The following FKBP4 variants were observed in gnomAD, a reference collection of about 807,000 sequenced individuals.
FKBP4 encodes the protein peptidyl-prolyl cis-trans isomerase FKBP4.
A neutral mutation model predicts 54.1 loss-of-function variants in FKBP4; 28 were observed. That is an observed-to-expected ratio of 0.52 (90% CI 0.38 to 0.71). FKBP4 has a LOEUF of 0.71. FKBP4 is among the 30% of genes least tolerant of loss of function. FKBP4 has a pLI of 0.00. For missense variants in FKBP4, 493 were observed against 574.4 expected, an observed-to-expected ratio of 0.86 and a Z score of 1.45; for synonymous variants, 223 against 216.1, an observed-to-expected ratio of 1.03 and a Z score of -0.28.
chr12:2,801,628 C>T (rs1193142863), intron 9 of FKBP4: 1 of 543,968 alleles, frequency 1.8e-6, no homozygotes, highest in Non-Finnish European at 3.5e-6. Flanking sequence ...GTGGCTCACA[C>T]CTGCAATCCC....
chr12:2,801,467 C>G, intron 9 of FKBP4, 111 bp downstream of exon 9: 1 of 1,503,808 alleles, frequency 6.6e-7, no homozygotes, highest in Non-Finnish European at 9.1e-7. Context: ...CCAGAAGTTG[C>G]CTTTTCCCTG....
In FKBP4 at chr12:2,795,045, G is replaced by A; in HGVS notation, c.-95G>A. ...TCCGCAGTCAGTGCCGCCGCGCCCG[G>A]CCTCCCGCACGCCCCGCAGGTAGCG... On this transcript the variant is annotated 5_prime_UTR_variant, in exon 1 of 10. Coordinates refer to ENST00000001008, the MANE Select transcript of FKBP4 (RefSeq NM_002014.4). This position sits in a 1 kb window ranked among gnomAD's most constrained non-coding sequence, Gnocchi z 4.3. 2.9e-6 allele frequency: 2 copies of A among 691,266 alleles called. No homozygotes were observed. The highest frequency in any genetic ancestry group is 4.0e-6 in the Non-Finnish European group (2 of 500,916). 42.8% of individuals were successfully genotyped at this position (691,266 alleles called of 1,614,324 possible).
Position 2,798,797 on chromosome 12 carries a change from C to T in FKBP4, c.485C>T (p.Ala162Val), listed in dbSNP as rs2097903248. 1 of 1,614,176 alleles carries T rather than the reference C, an allele frequency of 6.2e-7. No homozygotes were observed. Among genetic ancestry groups the T allele is most frequent in the African/African-American group, 1.3e-5 (1 of 75,040 alleles). The change falls in exon 4 of 10, where the codon GCT (alanine) becomes GTT (valine). Residue 162 changes from alanine to valine, a missense_variant. Ala to Val is a moderately conservative substitution (Grantham distance 64). Transcript: ENST00000001008. The surrounding 1 kb of genome is among the most constrained non-coding windows in gnomAD (Gnocchi z 4.3). The stretch of plus-strand genomic sequence containing the variant: ...ATACAGACTCGCGGTGAAGGCTATG[C>T]TAAGCCCAATGAGGGTGCTATCGTG... Reference protein sequence around the residue: ...RRIQTRGEGYAKPNEGAIVEV... With the variant: ...RRIQTRGEGYVKPNEGAIVEV...
At chr12:2,797,429 TACC>T in intron 2 of FKBP4, 147 bp downstream of exon 2, 2 of 898,992 alleles carry the variant, frequency 2.2e-6, no homozygotes, top group Non-Finnish European at 3.4e-6. Context: ...TTTTTTTTTC[TACC>T]GTTCTGTAAC....
chr12:2,797,788 C>G lies in FKBP4; in HGVS notation c.310C>G (p.His104Asp). The change falls in exon 3 of 10, where the codon CAC becomes GAC. Residue 104 changes from histidine to aspartate, a missense_variant. By Grantham distance (81) the His-to-Asp change is moderately conservative. Transcript: ENST00000001008. The part of the protein sequence containing the change: ...IATMKVGEVC[H>D]ITCKPEYAYG... Reference sequence around the variant, plus strand: ...CACCATGAAGGTGGGGGAGGTGTGCCACATCACCTGCAAACCAGAATATGC... The same window carrying G: ...CACCATGAAGGTGGGGGAGGTGTGCGACATCACCTGCAAACCAGAATATGC... The G allele has an allele frequency of 6.2e-7, 1 of 1,613,956 alleles. No homozygotes were observed. The highest frequency in any genetic ancestry group is 8.5e-7 in the Non-Finnish European group (1 of 1,179,922).
intron 9 of FKBP4, 54 bp from the exon 10 acceptor site, chr12:2,803,097 T>C: frequency 8.2e-7 from 1 of 1,215,308 alleles, no homozygotes; most frequent in South Asian, 1.3e-5. Flanking sequence ...GGAAATTAAG[T>C]GTGTGTTTTT....
Position 2,797,630 on chromosome 12 carries a change from G to A in FKBP4, c.251-99G>A, listed in dbSNP as rs972038244. The A allele has an allele frequency of 7.1e-6, 10 of 1,417,894 alleles. No homozygotes were observed. The South Asian group carries it at 1.4e-4, about 20-fold the overall frequency. 87.8% of individuals were successfully genotyped at this position (1,417,894 alleles called of 1,614,324 possible). On this transcript the variant is annotated intron_variant, in intron 2 of 9. Coordinates refer to ENST00000001008, the MANE Select transcript of FKBP4 (RefSeq NM_002014.4). The stretch of plus-strand genomic sequence containing the variant: ...TGGTCCCATTTCTAAAGGATGTCCA[G>A]CTTCCCCATGAGTGTGGTGCAGTAA...
rs753050172 is a variant in FKBP4 at position 2,795,289 on chromosome 12, C to A, written c.105+45C>A. On this transcript the variant is annotated intron_variant, in intron 1 of 9. Transcript: ENST00000001008. This position sits in a 1 kb window ranked among gnomAD's most constrained non-coding sequence, Gnocchi z 4.3. Reference sequence around the variant, plus strand: ...GCGGAGGCGTCGGAACCCGGGGCCCCGCGGGCCGCCCTTCCGCCGCGCCCG... The same window carrying A: ...GCGGAGGCGTCGGAACCCGGGGCCCAGCGGGCCGCCCTTCCGCCGCGCCCG... 9.2e-7 allele frequency: 1 copy of A among 1,090,778 alleles called. No individual in the cohort carries two copies. The highest frequency in any genetic ancestry group is 4.0e-5 in the East Asian group (1 of 24,778). 67.6% of individuals were successfully genotyped at this position (1,090,778 alleles called of 1,614,324 possible). A position where few individuals can be genotyped will look rare whatever the true frequency, so the allele number is the denominator to read the frequency against.
chr12:2,800,056 G>C lies in FKBP4; in HGVS notation c.780G>C (p.Glu260Asp). 1 of 1,614,202 alleles carries C rather than the reference G, an allele frequency of 6.2e-7. No individual in the cohort carries two copies. The highest frequency in any genetic ancestry group is 8.5e-7 in the Non-Finnish European group (1 of 1,180,052). ...KSFEKAKESWEMNSEEKLEQS... is the reference protein window; with the variant it reads ...KSFEKAKESWDMNSEEKLEQS... ...TGTGGCAGGCCAAGGAGTCTTGGGA[G>C]ATGAATTCAGAAGAGAAGCTGGAAC... The change falls in exon 7 of 10, where the codon GAG becomes GAC. Residue 260 changes from glutamate to aspartate, a missense_variant. Glu to Asp is a conservative substitution (Grantham distance 45). Transcript: ENST00000001008.
intron 8 of FKBP4, among the ~76,000 whole-genome samples, chr12:2,800,809 T>TA (rs1029429297): frequency 6.6e-6 from 1 of 152,254 alleles, no homozygotes; most frequent in South Asian, 2.1e-4. Flanking sequence ...AAGAATCACA[T>TA]AAAGAGTTTT....
At chr12:2,799,542 G>A (rs2097903635) in intron 5 of FKBP4, among the ~76,000 whole-genome samples, 1 of 152,190 alleles carries the variant, frequency 6.6e-6, no homozygotes, top group Non-Finnish European at 1.5e-5. Flanking sequence ...AGGCACTGCT[G>A]AAAATTCCTA....
Position 2,798,889 on chromosome 12 carries a change from G to A in FKBP4, c.514+63G>A. The A allele has an allele frequency of 1.3e-6, 2 of 1,566,810 alleles. No homozygotes were observed. Among genetic ancestry groups the A allele is most frequent in the Non-Finnish European group, 8.8e-7 (1 of 1,139,374 alleles). On this transcript the variant is annotated intron_variant, in intron 4 of 9. Coordinates refer to ENST00000001008, the MANE Select transcript of FKBP4 (RefSeq NM_002014.4). The surrounding 1 kb of genome is among the most constrained non-coding windows in gnomAD (Gnocchi z 4.3). The stretch of plus-strand genomic sequence containing the variant: ...GATATTTAGGCCTTGTGTGGCTTTG[G>A]GCAAGACACTTCCGTTCTCCGAGCC...
rs1354136802 is a variant in FKBP4 at position 2,801,228 on chromosome 12, C to G, written c.1144C>G (p.Leu382Val). ...ARADFQKVLQ[L>V]YPNNKAAKTQ... is the part of the protein sequence containing the mutation. ...GGCTGATTTCCAGAAGGTCCTGCAG[C>G]TCTACCCCAACAACAAAGCCGCCAA... The change falls in exon 9 of 10, where the codon CTC becomes GTC. Residue 382 changes from leucine to valine, a missense_variant. Physicochemically the swap from Leu to Val is conservative, Grantham distance 32 (BLOSUM62 1). Transcript: ENST00000001008. 6.2e-7 allele frequency: 1 copy of G among 1,613,424 alleles called. No homozygotes were observed. Among genetic ancestry groups the G allele is most frequent in the Non-Finnish European group, 8.5e-7 (1 of 1,180,050 alleles).
chr12:2,796,990 CTAGT>C, intron 1 of FKBP4, 144 bp from the exon 2 acceptor site: 1 of 1,420,482 alleles, frequency 7.0e-7, no homozygotes, highest in Admixed American at 3.0e-5. Flanking sequence ...AGCCAAGCTG[CTAGT>C]AACTGAATCT....
Position 2,795,158 on chromosome 12 carries a change from A to G in FKBP4, c.19A>G (p.Lys7Glu). MTAEEM[K>E]ATESGAQSAP... Reference sequence around the variant, plus strand: ...CGCGGAGATGACAGCCGAGGAGATGAAGGCGACCGAGAGCGGGGCGCAGTC... The same window carrying G: ...CGCGGAGATGACAGCCGAGGAGATGGAGGCGACCGAGAGCGGGGCGCAGTC... The change falls in exon 1 of 10, where the codon AAG (lysine) becomes GAG (glutamate). Residue 7 changes from lysine to glutamate, a missense_variant. By Grantham distance (56) the Lys-to-Glu change is moderately conservative. Coordinates refer to ENST00000001008, the MANE Select transcript of FKBP4 (RefSeq NM_002014.4). This position sits in a 1 kb window ranked among gnomAD's most constrained non-coding sequence, Gnocchi z 4.3. 7.6e-7 allele frequency: 1 copy of G among 1,311,448 alleles called. No homozygotes were observed. The highest frequency in any genetic ancestry group is 3.0e-5 in the South Asian group (1 of 33,622). 81.2% of individuals were successfully genotyped at this position (1,311,448 alleles called of 1,614,324 possible).
At position 2,797,113 on chromosome 12, in the gene FKBP4, C is replaced by G. The variant is rs762385868; in HGVS notation, c.106-25C>G. 8 of 1,611,578 alleles carry G rather than the reference C, an allele frequency of 5.0e-6. No individual in the cohort carries two copies. In the African/African-American group the frequency reaches 9.4e-5, roughly 19 times the overall value. On this transcript the variant is annotated intron_variant, in intron 1 of 9. Transcript: ENST00000001008. ...CCTTTCTGCCCCAAACCCTGGGGTACTCACTTTCTCCCCCTTCCTCCCAGG... is the reference window on the plus strand; with the variant it reads ...CCTTTCTGCCCCAAACCCTGGGGTAGTCACTTTCTCCCCCTTCCTCCCAGG...
Position 2,797,217 on chromosome 12 carries a change from T to C in FKBP4, c.185T>C (p.Leu62Ser), listed in dbSNP as rs2097902345. ...TTTGTCCACTACACTGGCTGGCTAT[T>C]AGATGGCACAAAGTTTGACTCCAGT... ...RVFVHYTGWL[L>S]DGTKFDSSLD... is the part of the protein sequence containing the mutation. Residue 62 changes from leucine to serine, a missense_variant, in exon 2 of 10, where the codon TTA becomes TCA. Leu to Ser is a moderately radical substitution (Grantham distance 145). Coordinates refer to ENST00000001008, the MANE Select transcript of FKBP4 (RefSeq NM_002014.4). The C allele has an allele frequency of 6.2e-7, 1 of 1,613,894 alleles. No homozygotes were observed. Among genetic ancestry groups the C allele is most frequent in the Non-Finnish European group, 8.5e-7 (1 of 1,179,854 alleles).
At chr12:2,803,027 C>A in intron 9 of FKBP4, 124 bp from the exon 10 acceptor site, 1 of 711,364 alleles carries the variant, frequency 1.4e-6, no homozygotes, top group Non-Finnish European at 2.4e-6. Context: ...CAGGCTTGGC[C>A]TATACAGGTA....
In FKBP4 at chr12:2,800,476, G is replaced by A. The variant is rs1373881019; in HGVS notation, c.931G>A (p.Ala311Thr). The change falls in exon 8 of 10, where the codon GCA becomes ACA. Residue 311 changes from alanine (A) to threonine (T), a missense_variant. By Grantham distance (58) the Ala-to-Thr change is moderately conservative. Coordinates refer to ENST00000001008, the MANE Select transcript of FKBP4 (RefSeq NM_002014.4). The part of the protein sequence containing the change: ...EYESSFSNEE[A>T]QKAQALRLAS... ...TGAGTCTAGTTTTTCCAATGAGGAA[G>A]CACAGAAAGCACAGGCCCTTCGACT... 1.9e-6 allele frequency: 3 copies of A among 1,614,056 alleles called. No individual in the cohort carries two copies. The highest frequency in any genetic ancestry group is 1.3e-5 in the African/African-American group (1 of 74,940).
Sources: gnomAD v4.1 joint callset for allele counts (sites outside exome capture counted in the v4.1 genomes callset) on GRCh38, gnomAD v4.1.1 for gene constraint, Gnocchi (gnomAD v3.1) non-coding constraint, MANE v1.5 for transcripts, NCBI Gene and HGNC (gene_info 2026-07-23, HGNC 2026-07-21) for gene names.